EVX1: variants seen among roughly 807,000 people sequenced by gnomAD.
EVX1 encodes homeobox even-skipped homolog protein 1.
A neutral mutation model predicts 28.6 loss-of-function variants in EVX1; 19 were observed. The ratio of observed to expected loss-of-function variants is 0.67; its 90% CI spans 0.46 to 0.98. The LOEUF is 0.98. Ranked by LOEUF, EVX1 falls within the 50% of genes least tolerant of loss-of-function variation. EVX1 has a pLI of 0.00. For synonymous variants in EVX1, 324 were observed against 278.2 expected (o/e 1.16, Z -1.64); for missense variants, 660 against 583.0 (o/e 1.13, Z -1.36).
chr7:27,247,527 G>A lies in EVX1; in HGVS notation c.*1102G>A, dbSNP rs555865193. 6.6e-6 allele frequency: 1 copy of A among 152,204 alleles called. No individual in the cohort carries two copies. Among genetic ancestry groups the A allele is most frequent in the Non-Finnish European group, 1.5e-5 (1 of 68,052 alleles). 9.4% of individuals were successfully genotyped at this position (152,204 alleles called of 1,614,324 possible). The stretch of plus-strand genomic sequence containing the variant: ...ATTTTCTTCCCAAGCTACCACTGGA[G>A]CTTGACTTTCAGATACCAGTGGGAG... On this transcript the variant is annotated 3_prime_UTR_variant, in exon 3 of 3. Transcript: ENST00000496902.
rs774628161 is a variant in EVX1, at chr7:27,243,147, C to G, written c.117C>G (p.Pro39=). The G allele has an allele frequency of 5.6e-6, 9 of 1,600,646 alleles. No individual in the cohort carries two copies. In the East Asian group the frequency reaches 1.1e-4, roughly 20 times the overall value. The change falls in exon 1 of 3, where the codon CCC becomes CCG. Residue 39 remains proline (P), a synonymous_variant. Coordinates refer to ENST00000496902, the MANE Select transcript of EVX1 (RefSeq NM_001989.5). ...TGGGCAGCCCGCTGCCGGAGCCGCC[C>G]GAGAAAATGGTGCCCCGTGGTTGCC... ...EAVGSPLPEP[P]EKMVPRGCLS... is the part of the protein sequence containing the mutation.
chr7:27,243,581 ACT>A (rs1372911090), intron 1 of EVX1, 124 bp downstream of exon 1: 31 of 1,034,394 alleles, frequency 3.0e-5, no homozygotes, highest in Non-Finnish European at 3.5e-5. Context: ...CACCTGAGCA[ACT>A]CTCTCTGCTA....
rs6956598 is a variant in EVX1, at chr7:27,247,177, C to T, written c.*752C>T. On this transcript the variant is annotated 3_prime_UTR_variant, in exon 3 of 3. Transcript: ENST00000496902. ...TTGTTGGCCAGGGAGGCTGCAGATGCCCCAGGAGCCCTTTGCCGCTTCTAT... is the reference window on the plus strand; with the variant it reads ...TTGTTGGCCAGGGAGGCTGCAGATGTCCCAGGAGCCCTTTGCCGCTTCTAT... 114,746 of 152,202 alleles carry T rather than the reference C, an allele frequency of 0.75. 46,058 individuals are homozygous for T. Among genetic ancestry groups the T allele is most frequent in the South Asian group, 0.89 (4,299 of 4,814 alleles). 9.4% of individuals were successfully genotyped at this position (152,202 alleles called of 1,614,324 possible).
rs1451446725 is a variant in EVX1 at position 27,242,875 on chromosome 7, G to C, written c.-156G>C. The C allele has an allele frequency of 2.5e-6, 2 of 785,330 alleles. No homozygotes were observed. The highest frequency in any genetic ancestry group is 3.8e-6 in the Non-Finnish European group (2 of 519,758). 48.6% of individuals were successfully genotyped at this position (785,330 alleles called of 1,614,324 possible). On this transcript the variant is annotated 5_prime_UTR_variant, in exon 1 of 3. Transcript: ENST00000496902. Reference sequence around the variant, plus strand: ...CTCCCACCGCCACCGCCGCGGTCGCGGTCCAGACCGCGCTCCAGCAGCTCC... The same window carrying C: ...CTCCCACCGCCACCGCCGCGGTCGCCGTCCAGACCGCGCTCCAGCAGCTCC...
rs1170274417 is a variant in EVX1 at position 27,245,318 on chromosome 7, A to G, written c.684+14A>G. On this transcript the variant is annotated intron_variant, in intron 2 of 2. Coordinates refer to ENST00000496902, the MANE Select transcript of EVX1 (RefSeq NM_001989.5). Reference sequence around the variant, plus strand: ...ACCACCATCAAGGTATGCGGGGTCCAGGCTGGGGAGGCGGGTGTGCACCTA... The same window carrying G: ...ACCACCATCAAGGTATGCGGGGTCCGGGCTGGGGAGGCGGGTGTGCACCTA... The G allele has an allele frequency of 6.2e-7, 1 of 1,612,470 alleles. No individual in the cohort carries two copies. Among genetic ancestry groups the G allele is most frequent in the Admixed American group, 1.7e-5 (1 of 60,018 alleles).
rs1329028250 is a variant in EVX1, at chr7:27,247,452, G to A, written c.*1027G>A. ...TTGCTTGTTCACCTTCACTTCACCA[G>A]GAACTTTCTGGCCCTACCCTTTGCA... On this transcript the variant is annotated 3_prime_UTR_variant, in exon 3 of 3. Coordinates refer to ENST00000496902, the MANE Select transcript of EVX1 (RefSeq NM_001989.5). 2 of 152,132 alleles carry A rather than the reference G, an allele frequency of 1.3e-5. No homozygotes were observed. The highest frequency in any genetic ancestry group is 2.4e-5 in the African/African-American group (1 of 41,410). 9.4% of individuals were successfully genotyped at this position (152,132 alleles called of 1,614,324 possible). A position where few individuals can be genotyped will look rare whatever the true frequency, so the allele number is the denominator to read the frequency against.
rs1342170039 is a variant in EVX1 at position 27,245,903 on chromosome 7, G to A, written c.702G>A (p.Arg234=). 1 of 1,611,824 alleles carries A rather than the reference G, an allele frequency of 6.2e-7. No individual in the cohort carries two copies. Among genetic ancestry groups the A allele is most frequent in the African/African-American group, 1.3e-5 (1 of 74,916 alleles). Residue 234 remains arginine, a synonymous_variant, in exon 3 of 3, where the codon CGG becomes CGA. Coordinates refer to ENST00000496902, the MANE Select transcript of EVX1 (RefSeq NM_001989.5). ...ETTIKVWFQN[R]RMKDKRQRLA... ...CTCCCCAGGTGTGGTTCCAGAACCG[G>A]CGCATGAAGGACAAGCGGCAGCGCC...
chr7:27,246,204 C>T lies in EVX1; in HGVS notation c.1003C>T (p.Pro335Ser). 1 of 1,498,938 alleles carries T rather than the reference C, an allele frequency of 6.7e-7. No homozygotes were observed. Among genetic ancestry groups the T allele is most frequent in the Non-Finnish European group, 8.8e-7 (1 of 1,134,128 alleles). 92.9% of individuals were successfully genotyped at this position (1,498,938 alleles called of 1,614,324 possible). The part of the protein sequence containing the change: ...AFRHPPLYPG[P>S]AHGLGASAGG... ...CCGCCACCCGCCGCTCTACCCCGGGCCCGCGCACGGACTGGGCGCCTCTGC... is the reference window on the plus strand; with the variant it reads ...CCGCCACCCGCCGCTCTACCCCGGGTCCGCGCACGGACTGGGCGCCTCTGC... Residue 335 changes from proline to serine, a missense_variant, in exon 3 of 3, where the codon CCC (proline) becomes TCC (serine). Coordinates refer to ENST00000496902, the MANE Select transcript of EVX1 (RefSeq NM_001989.5).
chr7:27,246,469 AC>A lies in EVX1; in HGVS notation c.*50del, dbSNP rs751544449. On this transcript the variant is annotated 3_prime_UTR_variant, in exon 3 of 3. Transcript: ENST00000496902. Reference sequence around the variant, plus strand: ...CCGGCTCCATGACGCCCGTGGGGTCACCCCCCGGCCCCGGGACTCAGCCAGC... The same window carrying A: ...CCGGCTCCATGACGCCCGTGGGGTCACCCCCGGCCCCGGGACTCAGCCAGC... The A allele has an allele frequency of 1.4e-5, 22 of 1,542,078 alleles. No homozygotes were observed. Among genetic ancestry groups the A allele is most frequent in the East Asian group, 5.0e-5 (2 of 40,276 alleles).
chr7:27,243,349 C>G lies in EVX1; in HGVS notation c.319C>G (p.Gln107Glu), dbSNP rs1381632511. 1.2e-6 allele frequency: 2 copies of G among 1,608,140 alleles called. No homozygotes were observed. Among genetic ancestry groups the G allele is most frequent in the Admixed American group, 1.7e-5 (1 of 59,548 alleles). Residue 107 changes from glutamine (Q) to glutamate (E), a missense_variant, in exon 1 of 3, where the codon CAG becomes GAG. Transcript: ENST00000496902. Reference protein sequence around the residue: ...PAPSVDSLSGQGQPSSSDTES... With the variant: ...PAPSVDSLSGEGQPSSSDTES... The stretch of plus-strand genomic sequence containing the variant: ...CCCCTCAGTCGACAGCCTCTCCGGA[C>G]AGGGGCAACCCAGTAGCTCGGACAC...
rs774685199 is a variant in EVX1, at chr7:27,246,080, C to T, written c.879C>T (p.Ala293=). The T allele has an allele frequency of 2.5e-6, 4 of 1,573,186 alleles. No homozygotes were observed. Among genetic ancestry groups the T allele is most frequent in the Non-Finnish European group, 3.4e-6 (4 of 1,168,666 alleles). ...TGGGCCTGGGCGCCGCATCCGCCGCCTCCGCCGCCGCCTCGCCCTTCAGCG... is the reference window on the plus strand; with the variant it reads ...TGGGCCTGGGCGCCGCATCCGCCGCTTCCGCCGCCGCCTCGCCCTTCAGCG... ...SPVGLGAASA[A]SAAASPFSGS... is the part of the protein sequence containing the mutation. The change falls in exon 3 of 3, where the codon GCC becomes GCT. Residue 293 remains alanine (A), a synonymous_variant. Transcript: ENST00000496902.
chr7:27,245,802 C>T, intron 2 of EVX1, 84 bp from the exon 3 acceptor site: 2 of 1,514,084 alleles, frequency 1.3e-6, no homozygotes, highest in Non-Finnish European at 1.8e-6. Context: ...CCTGCGAACA[C>T]TGTCCCCGGA....
chr7:27,242,921 C>A lies in EVX1; in HGVS notation c.-110C>A, dbSNP rs540220001. ...GCTCCGCGCCCTCCCAGGCACCCGG[C>A]CTTTCTTTCTCCCTCTTGCAACCAA... On this transcript the variant is annotated 5_prime_UTR_variant, in exon 1 of 3. Transcript: ENST00000496902. The A allele has an allele frequency of 2.8e-4, 348 of 1,231,852 alleles. No individual in the cohort carries two copies. Among genetic ancestry groups the A allele is most frequent in the Non-Finnish European group, 3.5e-4 (326 of 921,872 alleles). 76.3% of individuals were successfully genotyped at this position (1,231,852 alleles called of 1,614,324 possible). A position where few individuals can be genotyped will look rare whatever the true frequency, so the allele number is the denominator to read the frequency against.
At chr7:27,245,773 C>G in intron 2 of EVX1, 113 bp from the exon 3 acceptor site, 3 of 1,416,690 alleles carry the variant, frequency 2.1e-6, no homozygotes, top group Non-Finnish European at 2.8e-6. Context: ...CGGCTGGTGT[C>G]TGCTTTGGCT....
In EVX1 at chr7:27,246,444, C is replaced by A. The variant is rs771791073; in HGVS notation, c.*19C>A. On this transcript the variant is annotated 3_prime_UTR_variant, in exon 3 of 3. Coordinates refer to ENST00000496902, the MANE Select transcript of EVX1 (RefSeq NM_001989.5). ...TAGATAAGGGGCCGCCGGCTGGCTG[C>A]CGGCTCCATGACGCCCGTGGGGTCA... is the stretch of plus-strand genomic sequence containing the variant. 1.9e-6 allele frequency: 3 copies of A among 1,583,802 alleles called. No homozygotes were observed. The East Asian group carries it at 6.9e-5, about 37-fold the overall frequency.
Position 27,245,944 on chromosome 7 carries a change from C to T in EVX1, c.743C>T (p.Pro248Leu). 6.3e-7 allele frequency: 1 copy of T among 1,595,700 alleles called. No homozygotes were observed. Among genetic ancestry groups the T allele is most frequent in the South Asian group, 1.1e-5 (1 of 89,290 alleles). The part of the protein sequence containing the change: ...DKRQRLAMTW[P>L]HPADPAFYTY... ...CGGCAGCGCCTGGCCATGACGTGGCCGCACCCGGCGGACCCCGCCTTCTAC... is the reference window on the plus strand; with the variant it reads ...CGGCAGCGCCTGGCCATGACGTGGCTGCACCCGGCGGACCCCGCCTTCTAC... The change falls in exon 3 of 3, where the codon CCG becomes CTG. Residue 248 changes from proline (P) to leucine (L), a missense_variant. Physicochemically the swap from Pro to Leu is moderately conservative, Grantham distance 98 (BLOSUM62 -3). Around this residue, in one of 3 missense-constraint regions of EVX1, gnomAD observed 299 missense variants for 241.3 expected, o/e 1.24. Coordinates refer to ENST00000496902, the MANE Select transcript of EVX1 (RefSeq NM_001989.5).
chr7:27,245,383 C>T, intron 2 of EVX1, 79 bp downstream of exon 2: 1 of 1,571,518 alleles, frequency 6.4e-7, no homozygotes, highest in Non-Finnish European at 8.7e-7. Flanking sequence ...CTCCCTGAAA[C>T]GCAGGCCAGG....
rs1481455902 is a variant in EVX1, at chr7:27,243,171, C to T, written c.141C>T (p.Cys47=). 46 of 1,581,458 alleles carry T rather than the reference C, an allele frequency of 2.9e-5. No individual in the cohort carries two copies. In the Admixed American group the frequency reaches 7.1e-4, roughly 24 times the overall value. ...EPPEKMVPRG[C]LSPRAVPPAT... Reference sequence around the variant, plus strand: ...CCGAGAAAATGGTGCCCCGTGGTTGCCTGAGCCCTCGGGCCGTCCCTCCGG... The same window carrying T: ...CCGAGAAAATGGTGCCCCGTGGTTGTCTGAGCCCTCGGGCCGTCCCTCCGG... Residue 47 remains cysteine (C), a synonymous_variant, in exon 1 of 3, where the codon TGC becomes TGT. Coordinates refer to ENST00000496902, the MANE Select transcript of EVX1 (RefSeq NM_001989.5).
chr7:27,243,436 G>A lies in EVX1; in HGVS notation c.406G>A (p.Ala136Thr), dbSNP rs775692773. ...CACCCCGGACTGCGCCACCGGGAACGCCGAGTACCAGCACAGCAAAGGTAG... is the reference window on the plus strand; with the variant it reads ...CACCCCGGACTGCGCCACCGGGAACACCGAGTACCAGCACAGCAAAGGTAG... ...SCTPDCATGNAEYQHSKGSGS... is the reference protein window; with the variant it reads ...SCTPDCATGNTEYQHSKGSGS... The change falls in exon 1 of 3, where the codon GCC (alanine) becomes ACC (threonine). Residue 136 changes from alanine (A) to threonine (T), a missense_variant. By Grantham distance (58) the Ala-to-Thr change is moderately conservative. This residue lies in a region of EVX1 where 308 missense variants were observed against 256.6 expected (regional missense o/e 1.20). Transcript: ENST00000496902. 3.7e-6 allele frequency: 6 copies of A among 1,605,876 alleles called. No homozygotes were observed. The highest frequency in any genetic ancestry group is 8.5e-7 in the Non-Finnish European group (1 of 1,176,930).
Sources: allele counts gnomAD v4.1 joint callset, GRCh38; gene constraint gnomAD v4.1.1; regional missense constraint gnomAD v4.1.1; transcripts MANE v1.5; gene names NCBI Gene and HGNC (gene_info 2026-07-23, HGNC 2026-07-21).